Variants in STON2 observed in about 807,000 individuals in gnomAD.
STON2 encodes stonin-2.
In STON2, 29 loss-of-function variants were observed where a neutral mutation model predicts 65.7. The ratio of observed to expected loss-of-function variants is 0.44; its 90% CI spans 0.33 to 0.60. The LOEUF (loss-of-function observed/expected upper bound fraction) is 0.60, where lower values mean the gene tolerates loss of function less well. Ranked by LOEUF, STON2 falls within the 20% of genes least tolerant of loss-of-function variation. The pLI is 0.03. For missense variants in STON2, 1,054 were observed against 1,118.1 expected, an observed-to-expected ratio of 0.94 and a Z score of 0.82; for synonymous variants, 404 against 414.2, an observed-to-expected ratio of 0.98 and a Z score of 0.30.
chr14:81,408,966 C>T (rs1016441221), intron 2 of STON2, among the ~76,000 whole-genome samples: 5 of 152,114 alleles, frequency 3.3e-5, no homozygotes, highest in South Asian at 2.1e-4. Flanking sequence ...GGTTTAACTC[C>T]ACTTCATATT....
chr14:81,300,734 A>C (rs2140182074), intron 5 of STON2, among the ~76,000 whole-genome samples: 1 of 152,316 alleles, frequency 6.6e-6, no homozygotes, highest in East Asian at 1.9e-4. Context: ...AAAATGGTAA[A>C]ATCACATTTA....
chr14:81,341,674 G>A (rs999436745), intron 4 of STON2, among the ~76,000 whole-genome samples: 9 of 152,060 alleles, frequency 5.9e-5, no homozygotes, highest in Admixed American at 4.6e-4. Context: ...ATTAACTCCT[G>A]GGATTCCTTT....
chr14:81,262,370 G>C lies in STON2; in HGVS notation c.*6044C>G, dbSNP rs892121338. 1.0e-6 allele frequency: 1 copy of C among 985,250 alleles called. No individual in the cohort carries two copies. The highest frequency in any genetic ancestry group is 1.2e-6 in the Non-Finnish European group (1 of 829,864). 61.0% of individuals were successfully genotyped at this position (985,250 alleles called of 1,614,324 possible). On this transcript the variant is annotated 3_prime_UTR_variant, in exon 8 of 8. Coordinates refer to ENST00000614646, the MANE Select transcript of STON2 (RefSeq NM_001394390.1). ...GAAGCTGGCTGCTAACACAGCACCT[G>C]ACCAGAGTAGACATTTGATAAATAT...
chr14:81,424,955 C>T lies in STON2; in HGVS notation c.-199+2147G>A, dbSNP rs76535280. Among the ~76,000 whole-genome samples the T allele has an allele frequency of 7.1e-4, 108 of 152,332 alleles. 1 individual carries two copies. The highest frequency in any genetic ancestry group is 2.5e-3 in the African/African-American group (105 of 41,578). On this transcript the variant is annotated intron_variant, in intron 2 of 8. Coordinates refer to the STON2 transcript ENST00000553821. ...AAAAACCACAGTAGGGATTTAGAAA[C>T]ACACCACACTGTTACATACATTTGG... is the stretch of plus-strand genomic sequence containing the variant.
chr14:81,286,594 C>CA (rs943131656), intron 5 of STON2, among the ~76,000 whole-genome samples: 1 of 152,052 alleles, frequency 6.6e-6, no homozygotes, highest in Admixed American at 6.5e-5. Context: ...TACTAAGAAA[C>CA]AAAAAAATAT....
chr14:81,390,371 C>G (rs935179020), intron 3 of STON2, among the ~76,000 whole-genome samples: 1 of 152,104 alleles, frequency 6.6e-6, no homozygotes, highest in Non-Finnish European at 1.5e-5. Flanking sequence ...TTTGAATATC[C>G]ACACCTAGCA....
At chr14:81,408,135 G>GC (rs1348215637) in intron 2 of STON2, among the ~76,000 whole-genome samples, 1 of 126,298 alleles carries the variant, frequency 7.9e-6, no homozygotes, top group African/African-American at 4.5e-5. Flanking sequence ...GTTCACTGAA[G>GC]AACACACACA....
At chr14:81,397,538 C>T (rs1190528687) in intron 2 of STON2, among the ~76,000 whole-genome samples, 1 of 152,144 alleles carries the variant, frequency 6.6e-6, no homozygotes, top group Non-Finnish European at 1.5e-5. Context: ...CACATGGCCA[C>T]CATATTGGAG....
At chr14:81,343,824 C>CATT (rs148583781) in intron 4 of STON2, among the ~76,000 whole-genome samples, 1,998 of 152,144 alleles carry the variant, frequency 0.013, 42 homozygotes, top group African/African-American at 0.046. Context: ...GTATTGTCAT[C>CATT]ATTATTATTA....
chr14:81,429,231 G>C, intron 1 of STON2, among the ~76,000 whole-genome samples: 1 of 152,166 alleles, frequency 6.6e-6, no homozygotes, highest in Non-Finnish European at 1.5e-5. Context: ...CCATCCTTAC[G>C]GAGATATGAA....
chr14:81,269,299 C>G (rs759018666), intron 7 of STON2: 94 of 985,068 alleles, frequency 9.5e-5, no homozygotes, highest in Non-Finnish European at 1.1e-4. Context: ...AGCCACAGCA[C>G]CCGGCCACCT....
At chr14:81,293,176 C>CTTT (rs537387012) in intron 5 of STON2, among the ~76,000 whole-genome samples, 13 of 138,922 alleles carry the variant, frequency 9.4e-5, no homozygotes, top group Admixed American at 2.9e-4. Flanking sequence ...TGACTTGTGT[C>CTTT]TTTTTTTTTT....
chr14:81,392,993 C>T (rs1029537536), intron 3 of STON2, among the ~76,000 whole-genome samples: 3 of 152,018 alleles, frequency 2.0e-5, no homozygotes, highest in African/African-American at 7.3e-5. Flanking sequence ...TGATTTTAAC[C>T]CCAAAGACGC....
chr14:81,381,401 C>T (rs1899506580), intron 3 of STON2, among the ~76,000 whole-genome samples: 1 of 151,828 alleles, frequency 6.6e-6, no homozygotes, highest in Admixed American at 6.6e-5. Context: ...ATGAAAAGAC[C>T]ATTCACAGGA....
chr14:81,273,580 T>C (rs1894683586), intron 6 of STON2, among the ~76,000 whole-genome samples: 1 of 152,206 alleles, frequency 6.6e-6, no homozygotes, highest in Non-Finnish European at 1.5e-5. Flanking sequence ...GAGGGGTCCT[T>C]GGAGAGCTCA....
chr14:81,265,383 G>A lies in STON2; in HGVS notation c.*3031C>T. The A allele has an allele frequency of 1.0e-6, 1 of 977,988 alleles. No homozygotes were observed. The highest frequency in any genetic ancestry group is 1.7e-5 in the African/African-American group (1 of 57,170). 60.6% of individuals were successfully genotyped at this position (977,988 alleles called of 1,614,324 possible). On this transcript the variant is annotated 3_prime_UTR_variant, in exon 8 of 8. Coordinates refer to ENST00000614646, the MANE Select transcript of STON2 (RefSeq NM_001394390.1). ...TAATAATAATTTGTGGGTCCAGCATGGTGGCTCACGCCTGTAATCCCAGAG... is the reference window on the plus strand; with the variant it reads ...TAATAATAATTTGTGGGTCCAGCATAGTGGCTCACGCCTGTAATCCCAGAG...
Position 81,261,441 on chromosome 14 carries a change from TAC to T in STON2, c.*6971_*6972del, listed in dbSNP as rs1395393037. On this transcript the variant is annotated 3_prime_UTR_variant, in exon 8 of 8. Transcript: ENST00000614646. ...ATACAACCAGAAAAGAAACTAAAAT[TAC>T]ACACTCAAACATACCATGAAAGAGA... 1 of 164,296 alleles carries T rather than the reference TAC, an allele frequency of 6.1e-6. No homozygotes were observed. The highest frequency in any genetic ancestry group is 1.6e-4 in the East Asian group (1 of 6,214). 10.2% of individuals were successfully genotyped at this position (164,296 alleles called of 1,614,324 possible).
chr14:81,293,795 G>A (rs1220358303), intron 5 of STON2, among the ~76,000 whole-genome samples: 1 of 152,120 alleles, frequency 6.6e-6, no homozygotes, highest in Non-Finnish European at 1.5e-5. Flanking sequence ...TCATGGGACT[G>A]CAGACCCATG....
intron 5 of STON2, among the ~76,000 whole-genome samples, chr14:81,300,141 C>G (rs572884080): frequency 6.6e-6 from 1 of 151,730 alleles, no homozygotes; most frequent in South Asian, 2.1e-4. Flanking sequence ...AGAAGTGGAC[C>G]CACGCATGTA....
Sources: allele counts gnomAD v4.1 joint callset (sites outside exome capture counted in the v4.1 genomes callset), GRCh38; gene constraint gnomAD v4.1.1; transcripts MANE v1.5; gene names NCBI Gene and HGNC (gene_info 2026-07-23, HGNC 2026-07-21).